HDGFL3: variants seen among roughly 807,000 people sequenced by gnomAD.
The protein encoded by HDGFL3 is hepatoma-derived growth factor-related protein 3.
In HDGFL3, 6 loss-of-function variants were observed where a neutral mutation model predicts 27.6. The observed-to-expected ratio is 0.22, with a 90% CI of 0.12 to 0.43. The LOEUF is 0.43. Ranked by LOEUF, HDGFL3 falls within the 20% of genes least tolerant of loss-of-function variation. The probability of loss-of-function intolerance (pLI) is 1.00; values close to 1 mark genes in which losing one functional copy is unlikely to be tolerated. For missense variants in HDGFL3, 207 were observed against 250.1 expected (o/e 0.83, Z 1.16); for synonymous variants, 88 against 88.9 (o/e 0.99, Z 0.05).
intron 5 of HDGFL3, among the ~76,000 whole-genome samples, chr15:83,149,598 G>C (rs2036939410): frequency 6.6e-6 from 1 of 152,186 alleles, no homozygotes; most frequent in Non-Finnish European, 1.5e-5. Context: ...TGAGACGTTG[G>C]ATCGGGCAAG....
intron 1 of HDGFL3, among the ~76,000 whole-genome samples, chr15:83,189,837 A>G (rs2037490467): frequency 6.6e-6 from 1 of 152,212 alleles, no homozygotes. Context: ...ACTACATTGA[A>G]AGCAACCAAT....
At chr15:83,113,922 C>G (rs1300709141) in exon 4 of HDGFL3, 1 of 152,262 alleles carries the variant, frequency 6.6e-6, no homozygotes, top group Admixed American at 6.5e-5. Flanking sequence ...CTACAGTGGG[C>G]CTTGGGAAAG....
intron 4 of HDGFL3, 105 bp downstream of exon 4, chr15:83,157,310 A>G: frequency 8.7e-7 from 1 of 1,152,168 alleles, no homozygotes; most frequent in South Asian, 1.3e-5. Context: ...GGCTCCATAG[A>G]ATTTAGTATA....
chr15:83,123,594 T>G (rs2035463931), downstream of HDGFL3, among the ~76,000 whole-genome samples: 1 of 152,252 alleles, frequency 6.6e-6, no homozygotes, highest in African/African-American at 2.4e-5. Flanking sequence ...TCAGTATAAT[T>G]CATTAAAATA....
intron 5 of HDGFL3, among the ~76,000 whole-genome samples, chr15:83,142,303 A>C (rs2036788446): frequency 6.6e-6 from 1 of 152,260 alleles, no homozygotes; most frequent in African/African-American, 2.4e-5. Flanking sequence ...GATTGGATAA[A>C]GAAAATGTGG....
At chr15:83,156,445 T>C (rs1347650505) in intron 4 of HDGFL3, among the ~76,000 whole-genome samples, 1 of 152,218 alleles carries the variant, frequency 6.6e-6, no homozygotes, top group East Asian at 1.9e-4. Flanking sequence ...CACCGCTGTA[T>C]ACCTAGTCTG....
At chr15:83,187,596 A>C (rs1224306214) in intron 1 of HDGFL3, among the ~76,000 whole-genome samples, 2 of 152,162 alleles carry the variant, frequency 1.3e-5, no homozygotes, top group Non-Finnish European at 2.9e-5. Flanking sequence ...TCCTTAGAAA[A>C]AGGCTGCAGT....
chr15:83,163,945 A>G, intron 2 of HDGFL3, 54 bp downstream of exon 2: 1 of 1,110,834 alleles, frequency 9.0e-7, no homozygotes, highest in South Asian at 1.3e-5. Flanking sequence ...ATCCATAACA[A>G]TGTAGCATAG....
At chr15:83,123,994 T>A (rs971908644), downstream of HDGFL3, among the ~76,000 whole-genome samples, 1 of 152,196 alleles carries the variant, frequency 6.6e-6, no homozygotes, top group Non-Finnish European at 1.5e-5. Context: ...TAGAGCCCTA[T>A]CTTCAGGAAA....
chr15:83,167,151 T>C (rs1314232706), intron 1 of HDGFL3, among the ~76,000 whole-genome samples: 1 of 152,118 alleles, frequency 6.6e-6, no homozygotes, highest in Non-Finnish European at 1.5e-5. Context: ...ACGACACCCA[T>C]AAGCTCGAAC....
chr15:83,180,409 T>C (rs772559956), intron 1 of HDGFL3, among the ~76,000 whole-genome samples: 3 of 152,100 alleles, frequency 2.0e-5, no homozygotes, highest in Non-Finnish European at 4.4e-5. Context: ...AAAAACATTT[T>C]AGCTATTAAA....
At chr15:83,191,507 A>C (rs1409539436) in intron 1 of HDGFL3, among the ~76,000 whole-genome samples, 3 of 152,180 alleles carry the variant, frequency 2.0e-5, no homozygotes, top group Non-Finnish European at 4.4e-5. Context: ...TCCAAATTCC[A>C]ACAGTTAATT....
chr15:83,164,198 C>T, intron 1 of HDGFL3, 123 bp from the exon 2 acceptor site: 1 of 660,066 alleles, frequency 1.5e-6, no homozygotes, highest in Non-Finnish European at 2.5e-6. Context: ...TTTTTTAGAA[C>T]TTTACAAAAT....
At chr15:83,173,209 C>T (rs1021381582) in intron 1 of HDGFL3, among the ~76,000 whole-genome samples, 6 of 152,176 alleles carry the variant, frequency 3.9e-5, no homozygotes, top group Admixed American at 1.3e-4. Context: ...TAAATTCATA[C>T]ACATTTAGTA....
At chr15:83,161,511 T>C (rs1322219081) in intron 2 of HDGFL3, among the ~76,000 whole-genome samples, 1 of 152,234 alleles carries the variant, frequency 6.6e-6, no homozygotes, top group Non-Finnish European at 1.5e-5. Context: ...TCATTATTTT[T>C]TGATGAAAGA....
chr15:83,204,681 T>A (rs1296864952), intron 1 of HDGFL3, among the ~76,000 whole-genome samples: 1 of 152,086 alleles, frequency 6.6e-6, no homozygotes, highest in Admixed American at 6.5e-5. Context: ...AGTTAGAAAT[T>A]CAAAAAGGAA....
chr15:83,158,114 G>T, intron 2 of HDGFL3, 73 bp from the exon 3 acceptor site: 6 of 1,303,076 alleles, frequency 4.6e-6, no homozygotes, highest in Non-Finnish European at 6.4e-6. Flanking sequence ...ATCAGTATCA[G>T]TGAAGATGTC....
At chr15:83,179,371 G>A (rs1474251666) in intron 1 of HDGFL3, 2 of 152,218 alleles carry the variant, frequency 1.3e-5, no homozygotes, top group Non-Finnish European at 2.9e-5. Context: ...AGAGTAAATA[G>A]GAGGTGATTA....
At chr15:83,146,288 G>A (rs191313301) in intron 5 of HDGFL3, among the ~76,000 whole-genome samples, 86 of 152,214 alleles carry the variant, frequency 5.6e-4, no homozygotes, top group Non-Finnish European at 1.0e-3. Context: ...TTATTATTAA[G>A]AACTCTGGGG....
Sources: allele counts gnomAD v4.1 joint callset (sites outside exome capture counted in the v4.1 genomes callset), GRCh38; gene constraint gnomAD v4.1.1; transcripts MANE v1.5; gene names NCBI Gene and HGNC (gene_info 2026-07-23, HGNC 2026-07-21).